ABCC9: variants seen among roughly 807,000 people sequenced by gnomAD.
ABCC9 encodes ATP-binding cassette sub-family C member 9.
In ABCC9, 95 loss-of-function variants were observed where a neutral mutation model predicts 188.3. The ratio of observed to expected loss-of-function variants is 0.50; its 90% CI spans 0.43 to 0.60. ABCC9 has a LOEUF of 0.60. ABCC9 is among the 20% of genes least tolerant of loss of function. The pLI is 0.00. For missense variants in ABCC9, 1,102 were observed against 1,876.3 expected (o/e 0.59, Z 7.62); for synonymous variants, 659 against 652.7 (o/e 1.01, Z -0.15).
intron 36 of ABCC9, among the ~76,000 whole-genome samples, chr12:21,810,815 CAG>C: frequency 6.6e-6 from 1 of 152,214 alleles, no homozygotes; most frequent in East Asian, 1.9e-4. Context: ...TTGACACATC[CAG>C]AAGTTTTAAA....
Position 21,814,654 on chromosome 12 carries a change from A to G in ABCC9, c.4092T>C (p.Asp1364=), listed in dbSNP as rs755341471. ...SLSLAFFRMV[D]IFDGKIVIDG... The stretch of plus-strand genomic sequence containing the variant: ...TAGTTAGCAACTCACCATCAAATAT[A>G]TCAACCATTCTGAAGAAAGCCAGAG... The change falls in exon 35 of 40, where the codon GAT becomes GAC. Residue 1364 remains aspartate (D), a synonymous_variant. Coordinates refer to ENST00000261200, the MANE Select transcript of ABCC9 (RefSeq NM_020297.4). The G allele has an allele frequency of 3.1e-6, 5 of 1,613,978 alleles. No homozygotes were observed. Among genetic ancestry groups the G allele is most frequent in the East Asian group, 2.2e-5 (1 of 44,864 alleles).
chr12:21,928,253 A>G (rs1220873408), intron 4 of ABCC9, among the ~76,000 whole-genome samples: 3 of 86,926 alleles, frequency 3.5e-5, no homozygotes, highest in Non-Finnish European at 4.3e-5. Context: ...AGGGGAGGGG[A>G]GGGGAGGGGA....
chr12:21,806,622 A>G (rs1319818952), intron 38 of ABCC9, among the ~76,000 whole-genome samples: 3 of 152,254 alleles, frequency 2.0e-5, no homozygotes, highest in African/African-American at 4.8e-5. Flanking sequence ...TCTTTCAATC[A>G]TTTAATTCAT....
chr12:21,878,557 CTA>C (rs1396982901), intron 16 of ABCC9, among the ~76,000 whole-genome samples: 4 of 152,112 alleles, frequency 2.6e-5, no homozygotes, highest in East Asian at 3.9e-4. Flanking sequence ...TAAATCCTAA[CTA>C]TGTGTGGCAC....
intron 4 of ABCC9, among the ~76,000 whole-genome samples, chr12:21,929,528 A>G (rs549700628): frequency 6.6e-6 from 1 of 152,176 alleles, no homozygotes; most frequent in South Asian, 2.1e-4. Context: ...TCTAATTGTA[A>G]TGAGCATTTG....
chr12:21,831,785 T>C (rs1424071193), intron 30 of ABCC9, among the ~76,000 whole-genome samples: 2 of 152,168 alleles, frequency 1.3e-5, no homozygotes, highest in Non-Finnish European at 1.5e-5. Flanking sequence ...TTCTGGGGCT[T>C]GAGACAGGTT....
At chr12:21,904,080 G>T (rs372854729) in intron 12 of ABCC9, among the ~76,000 whole-genome samples, 33 of 152,090 alleles carry the variant, frequency 2.2e-4, no homozygotes, top group Non-Finnish European at 1.0e-4. Context: ...CCAAAACAGA[G>T]ATATAGACCA....
At chr12:21,911,916 G>T (rs554278149) in intron 8 of ABCC9, among the ~76,000 whole-genome samples, 1 of 108,828 alleles carries the variant, frequency 9.2e-6, no homozygotes, top group South Asian at 3.1e-4. Flanking sequence ...TGTATGCAAG[G>T]ATCTGGGCTA....
intron 5 of ABCC9, among the ~76,000 whole-genome samples, chr12:21,917,345 A>T (rs1268844810): frequency 6.6e-6 from 1 of 152,126 alleles, no homozygotes; most frequent in African/African-American, 2.4e-5. Context: ...AGATGGGAGG[A>T]TGTAAAGAGA....
chr12:21,797,585 GAATC>G lies in ABCC9; in HGVS notation c.*3455_*3458del, dbSNP rs1272487470. The G allele has an allele frequency of 2.0e-5, 3 of 152,138 alleles. No homozygotes were observed. Among genetic ancestry groups the G allele is most frequent in the Non-Finnish European group, 4.4e-5 (3 of 68,018 alleles). The allele number at this position is 152,138 out of a possible 1,614,324, so 9.4% of individuals were successfully genotyped here. ...GCACATGGCAGTAAAACTAATCAGT[GAATC>G]AATCAACCCTACTGTGGGTTAGGCA... On this transcript the variant is annotated 3_prime_UTR_variant, in exon 40 of 40. Coordinates refer to ENST00000261200, the MANE Select transcript of ABCC9 (RefSeq NM_020297.4).
At position 21,805,861 on chromosome 12, in the gene ABCC9, TC is replaced by T. The variant is rs1386857791; in HGVS notation, c.4512+136del. On this transcript the variant is annotated intron_variant, in intron 39 of 39. Transcript: ENST00000261200. ...TTTCAAAACATCTTCGTATTTTTTTTCTTTTTTGCACAGATACAGAAACATT... is the reference window on the plus strand; with the variant it reads ...TTTCAAAACATCTTCGTATTTTTTTTTTTTTTGCACAGATACAGAAACATT... 5.9e-6 allele frequency: 5 copies of T among 851,302 alleles called. No individual in the cohort carries two copies. The African/African-American group carries it at 8.5e-5, about 14-fold the overall frequency. The allele number at this position is 851,302 out of a possible 1,614,324, so 52.7% of individuals were successfully genotyped here. A position where few individuals can be genotyped will look rare whatever the true frequency, so the allele number is the denominator to read the frequency against.
At chr12:21,938,101 G>T (rs1949566563) in intron 2 of ABCC9, 1 of 151,916 alleles carries the variant, frequency 6.6e-6, no homozygotes, top group South Asian at 2.1e-4. Context: ...GTGTTATACA[G>T]AAAAGATTGT....
At chr12:21,820,772 C>T (rs1048709080) in intron 31 of ABCC9, among the ~76,000 whole-genome samples, 1 of 152,120 alleles carries the variant, frequency 6.6e-6, no homozygotes, top group African/African-American at 2.4e-5. Flanking sequence ...TCAAACATCA[C>T]CTCCTTGGAA....
At chr12:21,846,920 G>A (rs1944698966) in intron 25 of ABCC9, among the ~76,000 whole-genome samples, 1 of 151,990 alleles carries the variant, frequency 6.6e-6, no homozygotes, top group Non-Finnish European at 1.5e-5. Flanking sequence ...TAAGTAAACA[G>A]AAACAATACG....
chr12:21,841,300 A>G (rs1045194669), intron 29 of ABCC9, among the ~76,000 whole-genome samples: 4 of 149,226 alleles, frequency 2.7e-5, no homozygotes, highest in Admixed American at 1.3e-4. Flanking sequence ...TTTGTAGAGT[A>G]TAATAATATT....
intron 31 of ABCC9, 104 bp downstream of exon 31, chr12:21,828,854 A>G: frequency 2.3e-6 from 2 of 886,756 alleles, no homozygotes; most frequent in Admixed American, 3.4e-5. Flanking sequence ...ATGTGAAGCT[A>G]GTGCCGAATC....
Position 21,800,643 on chromosome 12 carries a change from T to C in ABCC9, c.*401A>G, listed in dbSNP as rs545611317. On this transcript the variant is annotated 3_prime_UTR_variant, in exon 40 of 40. Transcript: ENST00000261200. ...CTTTTTTATTCCTTCCAATAACCTC[T>C]GGAGACTCCAACAATAAGGAAAATA... 4 of 192,086 alleles carry C rather than the reference T, an allele frequency of 2.1e-5. No individual in the cohort carries two copies. In the East Asian group the frequency reaches 5.4e-4, roughly 26 times the overall value. 11.9% of individuals were successfully genotyped at this position (192,086 alleles called of 1,614,324 possible).
intron 7 of ABCC9, among the ~76,000 whole-genome samples, chr12:21,914,987 G>A (rs1348692280): frequency 3.4e-5 from 5 of 148,076 alleles, no homozygotes; most frequent in African/African-American, 7.5e-5. Context: ...CACAACTTTC[G>A]CCTCCCGGTT....
At chr12:21,852,314 C>T (rs1945009759) in intron 23 of ABCC9, 54 bp downstream of exon 23, 2 of 1,612,216 alleles carry the variant, frequency 1.2e-6, no homozygotes, top group South Asian at 2.2e-5. Flanking sequence ...TTTACTGTCT[C>T]TATTTATATG....
Sources: gnomAD v4.1 joint callset for allele counts (sites outside exome capture counted in the v4.1 genomes callset) on GRCh38, gnomAD v4.1.1 for gene constraint, MANE v1.5 for transcripts, NCBI Gene and HGNC (gene_info 2026-07-23, HGNC 2026-07-21) for gene names.